Variants in PPP1R12B observed in about 807,000 individuals in gnomAD.
PPP1R12B encodes the protein myosin phosphatase target subunit 2.
In PPP1R12B, 76 loss-of-function variants were observed where a neutral mutation model predicts 126.1. That is an observed-to-expected ratio of 0.60 (90% confidence interval 0.50 to 0.73). PPP1R12B has a LOEUF of 0.73. PPP1R12B is among the 30% of genes least tolerant of loss of function. PPP1R12B has a pLI of 0.00. For synonymous variants in PPP1R12B, 356 were observed against 434.7 expected (o/e 0.82, Z 2.25); for missense variants, 1,052 against 1,205.1 (o/e 0.87, Z 1.88).
At position 202,427,137 on chromosome 1, in the gene PPP1R12B, T is replaced by A; in HGVS notation, c.799T>A (p.Ser267Thr). ...AAHWGVKEAC[S>T]ILAEALCDMD... ...ACACTGGGGAGTGAAGGAGGCTTGC[T>A]CCATCCTGGCAGAAGCACTTTGTGA... is the stretch of plus-strand genomic sequence containing the variant. Residue 267 changes from serine (S) to threonine (T), a missense_variant, in exon 5 of 24, where the codon TCC becomes ACC. Physicochemically the swap from Ser to Thr is moderately conservative, Grantham distance 58. Transcript: ENST00000608999. 6.2e-7 allele frequency: 1 copy of A among 1,614,176 alleles called. No individual in the cohort carries two copies. The highest frequency in any genetic ancestry group is 1.1e-5 in the South Asian group (1 of 91,084).
chr1:202,413,559 C>T (rs1265236057), intron 1 of PPP1R12B, among the ~76,000 whole-genome samples: 3 of 151,092 alleles, frequency 2.0e-5, no homozygotes, highest in Admixed American at 6.6e-5. Context: ...CTTAAGAAAT[C>T]ATTTAGGACT....
intron 13 of PPP1R12B, among the ~76,000 whole-genome samples, chr1:202,461,031 C>G (rs146442051): frequency 6.6e-6 from 1 of 152,024 alleles, no homozygotes; most frequent in Non-Finnish European, 1.5e-5. Flanking sequence ...AATGGCTAGA[C>G]TTAGTGGGAA....
chr1:202,361,902 T>C (rs1196731530), intron 1 of PPP1R12B, among the ~76,000 whole-genome samples: 2 of 152,102 alleles, frequency 1.3e-5, no homozygotes, highest in African/African-American at 4.8e-5. Context: ...GGAAGTGACA[T>C]TGGGGCATTC....
At chr1:202,478,131 A>G (rs1676911692) in intron 13 of PPP1R12B, among the ~76,000 whole-genome samples, 2 of 152,210 alleles carry the variant, frequency 1.3e-5, no homozygotes, top group South Asian at 4.1e-4. Flanking sequence ...GTGTGGAGTG[A>G]GGGCTTGCTC....
intron 1 of PPP1R12B, among the ~76,000 whole-genome samples, chr1:202,409,367 G>T (rs1013140899): frequency 6.6e-6 from 1 of 150,756 alleles, no homozygotes; most frequent in Non-Finnish European, 1.5e-5. Context: ...CTGTCACCAG[G>T]CTGGAGAGCA....
intron 13 of PPP1R12B, among the ~76,000 whole-genome samples, chr1:202,469,033 A>G (rs1675478938): frequency 6.6e-6 from 1 of 152,210 alleles, no homozygotes; most frequent in Admixed American, 6.5e-5. Flanking sequence ...AAAAATGGTA[A>G]ATAAATATGT....
At chr1:202,439,390 C>T (rs4950849) in intron 10 of PPP1R12B, 603,755 of 1,241,080 alleles carry the variant, frequency 0.49, 153,131 homozygotes, top group East Asian at 0.71. Context: ...AAGAAGCACG[C>T]GGCACAGCGG....
At chr1:202,467,621 CATT>C (rs1196584541) in intron 13 of PPP1R12B, among the ~76,000 whole-genome samples, 34 of 152,158 alleles carry the variant, frequency 2.2e-4, no homozygotes, top group Non-Finnish European at 4.3e-4. Context: ...TCCAGTCTAT[CATT>C]GTTGGACATT....
chr1:202,472,203 A>G (rs1470467544), intron 13 of PPP1R12B: 5 of 537,272 alleles, frequency 9.3e-6, no homozygotes, highest in Non-Finnish European at 1.6e-5. Flanking sequence ...TTACATATAT[A>G]TAGTACTTTT....
intron 1 of PPP1R12B, among the ~76,000 whole-genome samples, chr1:202,356,810 C>G (rs994692741): frequency 1.3e-5 from 2 of 151,412 alleles, no homozygotes; most frequent in African/African-American, 4.9e-5. Context: ...CCCAATGAGA[C>G]TGATTTCAGA....
chr1:202,357,915 A>G (rs1449156201), intron 1 of PPP1R12B, among the ~76,000 whole-genome samples: 1 of 152,208 alleles, frequency 6.6e-6, no homozygotes, highest in Non-Finnish European at 1.5e-5. Context: ...GGTTACTATT[A>G]TAACTTATAA....
At chr1:202,389,312 T>G (rs1260477542) in intron 1 of PPP1R12B, among the ~76,000 whole-genome samples, 1 of 152,204 alleles carries the variant, frequency 6.6e-6, no homozygotes, top group Non-Finnish European at 1.5e-5. Flanking sequence ...GATCAAGGAT[T>G]AATATCCAGA....
chr1:202,460,372 T>TA (rs1393066480), intron 13 of PPP1R12B, among the ~76,000 whole-genome samples: 3 of 152,230 alleles, frequency 2.0e-5, no homozygotes, highest in Non-Finnish European at 4.4e-5. Flanking sequence ...GCTAGGTAGT[T>TA]ATACCTACTA....
At chr1:202,517,992 A>G (rs1163394672) in intron 18 of PPP1R12B, among the ~76,000 whole-genome samples, 2 of 152,236 alleles carry the variant, frequency 1.3e-5, no homozygotes, top group Non-Finnish European at 2.9e-5. Context: ...AATTTAGCCA[A>G]GAATGTGGTG....
chr1:202,561,396 T>G (rs1687509618), intron 19 of PPP1R12B, among the ~76,000 whole-genome samples: 1 of 152,040 alleles, frequency 6.6e-6, no homozygotes, highest in South Asian at 2.1e-4. Context: ...TTTTTTTTTT[T>G]TTTAGTGAGG....
intron 18 of PPP1R12B, 65 bp from the exon 19 acceptor site, chr1:202,558,812 T>G: frequency 1.9e-6 from 2 of 1,056,230 alleles, no homozygotes; most frequent in Non-Finnish European, 2.9e-6. Context: ...CAAATCAGTC[T>G]CTTGCTAATG....
chr1:202,444,362 G>A (rs1005545263), intron 12 of PPP1R12B, among the ~76,000 whole-genome samples: 1 of 152,060 alleles, frequency 6.6e-6, no homozygotes, highest in African/African-American at 2.4e-5. Flanking sequence ...ATTTTTTCCT[G>A]CAATTGAGAT....
At chr1:202,562,657 T>A (rs781516505) in intron 19 of PPP1R12B, 121 bp from the exon 20 acceptor site, 9 of 1,109,890 alleles carry the variant, frequency 8.1e-6, no homozygotes, top group African/African-American at 1.5e-5. Flanking sequence ...TGTTATGAGT[T>A]GTTTCTGGCC....
intron 1 of PPP1R12B, among the ~76,000 whole-genome samples, chr1:202,382,543 C>T (rs1662496256): frequency 6.8e-6 from 1 of 147,280 alleles, no homozygotes; most frequent in Non-Finnish European, 1.5e-5. Context: ...AAACAAAGCA[C>T]CTTAAGTTAG....
Sources: allele counts gnomAD v4.1 joint callset (sites outside exome capture counted in the v4.1 genomes callset), GRCh38; gene constraint gnomAD v4.1.1; transcripts MANE v1.5; gene names NCBI Gene and HGNC (gene_info 2026-07-23, HGNC 2026-07-21).